The following RYR2 variants were observed in gnomAD, a reference collection of about 807,000 sequenced individuals.
RYR2 encodes cardiac muscle ryanodine receptor-calcium release channel.
In RYR2, 227 loss-of-function variants were observed where a neutral mutation model predicts 601.1. That is an observed-to-expected ratio of 0.38 (90% confidence interval 0.34 to 0.42). The LOEUF is 0.42. Among genes scored for constraint, RYR2 ranks in the 10% least tolerant of loss-of-function variants. RYR2 has a pLI of 1.00. For synonymous variants in RYR2, 2,223 were observed against 2,175.1 expected, an observed-to-expected ratio of 1.02 and a Z score of -0.61; for missense variants, 4,646 against 6,156.5, an observed-to-expected ratio of 0.75 and a Z score of 8.21.
intron 25 of RYR2, among the ~76,000 whole-genome samples, chr1:237,537,732 CA>C (rs1011988504): frequency 3.3e-5 from 5 of 151,606 alleles, no homozygotes. Context: ...AGCCAAAAAA[CA>C]AAAAAAGCAT....
intron 1 of RYR2, among the ~76,000 whole-genome samples, chr1:237,050,476 G>A (rs1661117017): frequency 6.6e-6 from 1 of 152,194 alleles, no homozygotes; most frequent in Non-Finnish European, 1.5e-5. Context: ...TCACCATGAA[G>A]GAAGGAACAA....
At chr1:237,581,875 C>T (rs1009431289) in intron 29 of RYR2, among the ~76,000 whole-genome samples, 3 of 152,112 alleles carry the variant, frequency 2.0e-5, no homozygotes, top group Non-Finnish European at 4.4e-5. Flanking sequence ...ACTGTGAGGC[C>T]AACTTCTATA....
intron 41 of RYR2, among the ~76,000 whole-genome samples, chr1:237,630,918 G>A (rs984862292): frequency 5.9e-5 from 9 of 152,072 alleles, no homozygotes; most frequent in African/African-American, 2.2e-4. Flanking sequence ...ATCCTTTTAA[G>A]TATTTGTCAG....
chr1:237,748,994 T>A (rs568368628), intron 80 of RYR2, among the ~76,000 whole-genome samples: 1 of 152,294 alleles, frequency 6.6e-6, no homozygotes, highest in Non-Finnish European at 1.5e-5. Context: ...GTACGTAGGT[T>A]AAGTGCAAAC....
intron 10 of RYR2, among the ~76,000 whole-genome samples, chr1:237,398,812 T>C (rs1291859829): frequency 2.0e-5 from 3 of 152,208 alleles, no homozygotes; most frequent in Non-Finnish European, 4.4e-5. Context: ...AGCAACTTTA[T>C]TTGTAATAAT....
intron 1 of RYR2, among the ~76,000 whole-genome samples, chr1:237,163,356 C>T (rs1185250862): frequency 4.2e-5 from 1 of 24,066 alleles, no homozygotes; most frequent in Non-Finnish European, 1.7e-4. Context: ...CAACCCCCTA[C>T]CCCCCCCACC....
intron 25 of RYR2, among the ~76,000 whole-genome samples, chr1:237,533,366 T>C (rs558564348): frequency 2.0e-5 from 3 of 152,296 alleles, no homozygotes; most frequent in African/African-American, 7.2e-5. Flanking sequence ...TTGTGTAAAA[T>C]TGAACATTTG....
rs745576995 is a variant in RYR2 at position 237,801,917 on chromosome 1, G to A, written c.14151+1G>A. On this transcript the variant is annotated splice_donor_variant, in intron 98 of 104. Transcript: ENST00000366574. LOFTEE classifies it high-confidence loss of function. Reference sequence around the variant, plus strand: ...ACTAGGAGTCGTTTTCACTGACAACGTAAGCCTACTTCATTATCACAAAAG... The same window carrying A: ...ACTAGGAGTCGTTTTCACTGACAACATAAGCCTACTTCATTATCACAAAAG... 2 of 1,573,188 alleles carry A rather than the reference G, an allele frequency of 1.3e-6. No individual in the cohort carries two copies. The highest frequency in any genetic ancestry group is 3.3e-5 in the Admixed American group (2 of 59,816).
intron 4 of RYR2, among the ~76,000 whole-genome samples, chr1:237,362,115 G>T (rs7514255): frequency 0.3 from 45,063 of 152,062 alleles, 6,933 homozygotes; most frequent in Non-Finnish European, 0.31. Flanking sequence ...TGTATTTGGA[G>T]CTCCATCTGA....
chr1:237,780,718 A>C (rs1695033854), intron 88 of RYR2, among the ~76,000 whole-genome samples: 1 of 152,222 alleles, frequency 6.6e-6, no homozygotes, highest in Non-Finnish European at 1.5e-5. Context: ...CAAATTGGTA[A>C]ATAAGATACA....
intron 24 of RYR2, among the ~76,000 whole-genome samples, chr1:237,517,311 A>T (rs1666642894): frequency 6.6e-6 from 1 of 152,104 alleles, no homozygotes; most frequent in Non-Finnish European, 1.5e-5. Flanking sequence ...CACTTCCTTT[A>T]TAACACCTGA....
chr1:237,540,935 GCA>G (rs1018006183), intron 25 of RYR2, among the ~76,000 whole-genome samples: 59 of 149,324 alleles, frequency 4.0e-4, no homozygotes, highest in African/African-American at 1.2e-3. Flanking sequence ...ATATATGTAT[GCA>G]CACACACACA....
At chr1:237,551,322 G>A (rs1670370877) in intron 27 of RYR2, among the ~76,000 whole-genome samples, 1 of 152,088 alleles carries the variant, frequency 6.6e-6, no homozygotes, top group Admixed American at 6.6e-5. Flanking sequence ...AAGGTCAGGA[G>A]ATTGAGACCA....
chr1:237,524,362 AT>A (rs1411011313), intron 24 of RYR2, among the ~76,000 whole-genome samples: 3 of 152,206 alleles, frequency 2.0e-5, no homozygotes, highest in Non-Finnish European at 4.4e-5. Context: ...AGGCATATTG[AT>A]AGAGACATAA....
chr1:237,819,176 C>T lies in RYR2; in HGVS notation c.14574C>T (p.Leu4858=). ...ITFFFFVIVI[L]LAIIQGLIID... The stretch of plus-strand genomic sequence containing the variant: ...TCTTCTTCTTTGTTATTGTCATTCT[C>T]TTGGCCATAATACAAGGTAAGTATC... The change falls in exon 101 of 105, where the codon CTC becomes CTT. Residue 4858 remains leucine (L), a synonymous_variant. Transcript: ENST00000366574. The surrounding 1 kb of genome is among the most constrained non-coding windows in gnomAD (Gnocchi z 4.0). 1 of 1,613,588 alleles carries T rather than the reference C, an allele frequency of 6.2e-7. No homozygotes were observed. The highest frequency in any genetic ancestry group is 8.5e-7 in the Non-Finnish European group (1 of 1,179,558).
chr1:237,511,652 G>A, intron 23 of RYR2, 36 bp from the exon 24 acceptor site: 2 of 1,471,912 alleles, frequency 1.4e-6, no homozygotes, highest in Non-Finnish European at 1.9e-6. Context: ...CCTGGCATTG[G>A]AGACTATTTT....
chr1:237,177,438 A>G (rs556912388), intron 1 of RYR2, among the ~76,000 whole-genome samples: 2 of 152,318 alleles, frequency 1.3e-5, no homozygotes, highest in South Asian at 4.1e-4. Context: ...CCCAACTGAT[A>G]ATTCCTATCC....
At chr1:237,646,194 A>G (rs571764190) in intron 48 of RYR2, among the ~76,000 whole-genome samples, 38 of 151,528 alleles carry the variant, frequency 2.5e-4, no homozygotes, top group African/African-American at 9.2e-4. Flanking sequence ...TGCTTTTTTC[A>G]GCCAGGTGTG....
intron 1 of RYR2, among the ~76,000 whole-genome samples, chr1:237,205,346 G>T (rs1681689357): frequency 6.6e-6 from 1 of 152,174 alleles, no homozygotes; most frequent in African/African-American, 2.4e-5. Flanking sequence ...AGGGCTTGCT[G>T]CCTGCCACGA....
Sources: gnomAD v4.1 joint callset for allele counts (sites outside exome capture counted in the v4.1 genomes callset) on GRCh38, gnomAD v4.1.1 for gene constraint, Gnocchi (gnomAD v3.1) non-coding constraint, MANE v1.5 for transcripts, NCBI Gene and HGNC (gene_info 2026-07-23, HGNC 2026-07-21) for gene names.